ADAM10: variants seen among roughly 807,000 people sequenced by gnomAD.
ADAM10 encodes ADAM metallopeptidase domain 10.
In ADAM10, 17 loss-of-function variants were observed where a neutral mutation model predicts 90.1. The observed-to-expected ratio is 0.19, with a 90% CI of 0.13 to 0.28. ADAM10 has a LOEUF of 0.28. Ranked by LOEUF, ADAM10 falls within the 10% of genes least tolerant of loss-of-function variation. The probability of loss-of-function intolerance (pLI) is 1.00; values close to 1 mark genes in which losing one functional copy is unlikely to be tolerated. For synonymous variants in ADAM10, 310 were observed against 298.6 expected, an observed-to-expected ratio of 1.04 and a Z score of -0.40; for missense variants, 610 against 914.3, an observed-to-expected ratio of 0.67 and a Z score of 4.29.
At position 58,625,604 on chromosome 15, in the gene ADAM10, T is replaced by C. The variant is rs549204155; in HGVS notation, c.1360+2096A>G. ...CCTGGAAAAGAGTTTGGCAGTTTTG[T>C]ACAAAGCAAAACAAGCAATTGCTAT... On this transcript the variant is annotated intron_variant, in intron 10 of 15. Coordinates refer to ENST00000260408, the MANE Select transcript of ADAM10 (RefSeq NM_001110.4). 1.2e-4 allele frequency among the ~76,000 whole-genome samples: 18 copies of C among 152,346 alleles called. No individual in the cohort carries two copies. In the South Asian group the frequency reaches 3.5e-3, roughly 30 times the overall value.
At chr15:58,665,046 C>G (rs1897047813) in intron 5 of ADAM10, 51 bp downstream of exon 5, 1 of 1,305,724 alleles carries the variant, frequency 7.7e-7, no homozygotes, top group African/African-American at 1.5e-5. Context: ...AGATATACAT[C>G]CTCAAATTCA....
At chr15:58,641,502 A>G (rs1483528706) in intron 7 of ADAM10, among the ~76,000 whole-genome samples, 1 of 152,146 alleles carries the variant, frequency 6.6e-6, no homozygotes, top group African/African-American at 2.4e-5. Context: ...ACTAACTGCA[A>G]ATTTATTTTT....
chr15:58,728,947 G>C (rs912692710), intron 1 of ADAM10, among the ~76,000 whole-genome samples: 17 of 152,182 alleles, frequency 1.1e-4, no homozygotes, highest in Non-Finnish European at 5.9e-5. Context: ...GGTCTTAAAA[G>C]AACATTGGGG....
At chr15:58,653,169 T>C (rs1425016217) in intron 5 of ADAM10, among the ~76,000 whole-genome samples, 1 of 152,216 alleles carries the variant, frequency 6.6e-6, no homozygotes, top group Non-Finnish European at 1.5e-5. Context: ...CAAACAAGGA[T>C]ATTTTGACTT....
chr15:58,599,349 A>C (rs764136459), intron 15 of ADAM10, among the ~76,000 whole-genome samples: 3 of 152,072 alleles, frequency 2.0e-5, no homozygotes, highest in Non-Finnish European at 2.9e-5. Flanking sequence ...ACAAATACCA[A>C]GCAAAATTTA....
chr15:58,600,474 A>C (rs2140987867), intron 14 of ADAM10, among the ~76,000 whole-genome samples: 2 of 152,250 alleles, frequency 1.3e-5, no homozygotes, highest in Middle Eastern at 3.4e-3. Flanking sequence ...TTTTATATAC[A>C]TTAGTTTTCA....
At chr15:58,693,110 TG>T in intron 2 of ADAM10, 1 of 741,550 alleles carries the variant, frequency 1.3e-6, no homozygotes, top group Non-Finnish European at 2.5e-6. Context: ...TAGAAGGTAT[TG>T]ATTATGAGAG....
intron 8 of ADAM10, among the ~76,000 whole-genome samples, chr15:58,635,813 G>A (rs1406051843): frequency 7.9e-5 from 12 of 151,016 alleles, no homozygotes; most frequent in Non-Finnish European, 1.8e-4. Flanking sequence ...AAGTAAATAG[G>A]CATATTTTTA....
intron 2 of ADAM10, among the ~76,000 whole-genome samples, chr15:58,704,555 CAATAAA>C (rs1321113800): frequency 1.3e-5 from 2 of 152,004 alleles, no homozygotes; most frequent in Admixed American, 6.6e-5. Context: ...CATTTTACTA[CAATAAA>C]AATAAATTTT....
At chr15:58,659,758 T>C (rs1896923797) in intron 5 of ADAM10, among the ~76,000 whole-genome samples, 1 of 152,194 alleles carries the variant, frequency 6.6e-6, no homozygotes, top group Non-Finnish European at 1.5e-5. Context: ...AGACAGAGTC[T>C]CACTCTGTCG....
At chr15:58,623,599 G>T (rs778969588) in intron 10 of ADAM10, among the ~76,000 whole-genome samples, 7 of 152,138 alleles carry the variant, frequency 4.6e-5, no homozygotes, top group Non-Finnish European at 1.0e-4. Context: ...TAAATAAAAT[G>T]TGATACATAT....
chr15:58,675,407 TA>T (rs1410830484), intron 4 of ADAM10, among the ~76,000 whole-genome samples: 1 of 152,152 alleles, frequency 6.6e-6, no homozygotes, highest in Non-Finnish European at 1.5e-5. Context: ...AAAAAAGGTG[TA>T]AGGGAATTAT....
At chr15:58,735,694 G>A (rs1166207681) in intron 1 of ADAM10, among the ~76,000 whole-genome samples, 1 of 152,082 alleles carries the variant, frequency 6.6e-6, no homozygotes, top group African/African-American at 2.4e-5. Flanking sequence ...TTTCATTCGT[G>A]GTTGGTTTAA....
intron 1 of ADAM10, among the ~76,000 whole-genome samples, chr15:58,720,009 A>C (rs1356926408): frequency 6.6e-6 from 1 of 152,152 alleles, no homozygotes; most frequent in African/African-American, 2.4e-5. Flanking sequence ...CAATATACAC[A>C]CACTGAAGCC....
intron 2 of ADAM10, among the ~76,000 whole-genome samples, chr15:58,704,687 T>C (rs749806196): frequency 6.6e-6 from 1 of 152,232 alleles, no homozygotes; most frequent in African/African-American, 2.4e-5. Flanking sequence ...AAGATAATGA[T>C]GAGATTACAA....
At chr15:58,628,328 T>C (rs998315968) in intron 9 of ADAM10, among the ~76,000 whole-genome samples, 7 of 152,016 alleles carry the variant, frequency 4.6e-5, no homozygotes, top group African/African-American at 7.3e-5. Flanking sequence ...TGGGGCTAAA[T>C]ACACACAGAA....
Position 58,640,842 on chromosome 15 carries a change from T to A in ADAM10, c.947A>T (p.Tyr316Phe). The A allele has an allele frequency of 6.2e-7, 1 of 1,614,136 alleles. No individual in the cohort carries two copies. The highest frequency in any genetic ancestry group is 8.5e-7 in the Non-Finnish European group (1 of 1,180,000). ...ATCAAAATCTCGGTCTGTGAAGACA[T>A]AGGCCAAACAGTAGTCATCATGATT... ...EQNHDDYCLA[Y>F]VFTDRDFDDG... The change falls in exon 8 of 16, where the codon TAT (tyrosine) becomes TTT (phenylalanine). Residue 316 changes from tyrosine to phenylalanine, a missense_variant. This residue lies in a region of ADAM10 where 97 missense variants were observed against 221.4 expected (regional missense o/e 0.44). Coordinates refer to ENST00000260408, the MANE Select transcript of ADAM10 (RefSeq NM_001110.4).
intron 11 of ADAM10, among the ~76,000 whole-genome samples, chr15:58,616,558 T>C (rs1487697321): frequency 6.6e-6 from 1 of 152,054 alleles, no homozygotes; most frequent in Non-Finnish European, 1.5e-5. Flanking sequence ...AAATTAAAAA[T>C]GAAGTTTAAA....
rs1364049233 is a variant in ADAM10 at position 58,720,753 on chromosome 15, T to C, written c.56-3026A>G. 4.6e-5 allele frequency among the ~76,000 whole-genome samples: 7 copies of C among 152,190 alleles called. No individual in the cohort carries two copies. In the East Asian group the frequency reaches 1.3e-3, roughly 29 times the overall value. ...TAAATAATGGAATCAAATATACCAATGCATCTTCTGTATCCTTTAAACATA... is the reference window on the plus strand; with the variant it reads ...TAAATAATGGAATCAAATATACCAACGCATCTTCTGTATCCTTTAAACATA... On this transcript the variant is annotated intron_variant, in intron 1 of 15. Coordinates refer to ENST00000260408, the MANE Select transcript of ADAM10 (RefSeq NM_001110.4).
Sources: gnomAD v4.1 joint callset for allele counts (sites outside exome capture counted in the v4.1 genomes callset) on GRCh38, gnomAD v4.1.1 for gene constraint, gnomAD v4.1.1 regional missense constraint, MANE v1.5 for transcripts, NCBI Gene and HGNC (gene_info 2026-07-23, HGNC 2026-07-21) for gene names.